Variants in DLG1 observed in about 807,000 individuals in gnomAD.
The protein encoded by DLG1 is disks large homolog 1.
A neutral mutation model predicts 123.4 loss-of-function variants in DLG1; 42 were observed. That is an observed-to-expected ratio of 0.34 (90% CI 0.27 to 0.44). The LOEUF (loss-of-function observed/expected upper bound fraction) is 0.44. Ranked by LOEUF, DLG1 falls within the 20% of genes least tolerant of loss-of-function variation. DLG1 has a pLI of 1.00. For synonymous variants in DLG1, 317 were observed against 356.2 expected (o/e 0.89, Z 1.24); for missense variants, 942 against 1,082.6 (o/e 0.87, Z 1.82).
At chr3:197,184,127 C>T (rs747287387) in intron 5 of DLG1, 10 of 1,107,366 alleles carry the variant, frequency 9.0e-6, no homozygotes, top group Non-Finnish European at 9.9e-6. Context: ...CTTTTGTTAG[C>T]TGATAACTAG....
intron 15 of DLG1, among the ~76,000 whole-genome samples, chr3:197,088,756 G>C (rs1277771433): frequency 6.6e-6 from 1 of 152,166 alleles, no homozygotes; most frequent in Admixed American, 6.5e-5. Context: ...GTGGTTACTG[G>C]AAGATACAGA....
At chr3:197,075,106 T>TA (rs749778725) in intron 18 of DLG1, among the ~76,000 whole-genome samples, 21 of 151,914 alleles carry the variant, frequency 1.4e-4, no homozygotes, top group Non-Finnish European at 2.5e-4. Flanking sequence ...TTTTATTTGC[T>TA]AAAATGGCTT....
intron 4 of DLG1, among the ~76,000 whole-genome samples, chr3:197,263,841 C>T (rs991625733): frequency 2.0e-5 from 3 of 152,064 alleles, no homozygotes; most frequent in Non-Finnish European, 2.9e-5. Flanking sequence ...CACTTTATCC[C>T]CATCATCTTG....
At chr3:197,180,150 A>G (rs937771055) in intron 5 of DLG1, among the ~76,000 whole-genome samples, 1 of 150,194 alleles carries the variant, frequency 6.7e-6, no homozygotes, top group African/African-American at 2.4e-5. Context: ...AATAGCTGCT[A>G]TACACACATT....
intron 4 of DLG1, among the ~76,000 whole-genome samples, chr3:197,229,715 T>C (rs1460058074): frequency 6.6e-6 from 1 of 152,214 alleles, no homozygotes; most frequent in South Asian, 2.1e-4. Context: ...TGGAATACAA[T>C]CTGTGACACA....
chr3:197,149,111 A>G (rs1374806455), intron 6 of DLG1, among the ~76,000 whole-genome samples: 1 of 152,186 alleles, frequency 6.6e-6, no homozygotes, highest in African/African-American at 2.4e-5. Flanking sequence ...AGTAGTTTCT[A>G]GTTTATTCAC....
intron 5 of DLG1, among the ~76,000 whole-genome samples, chr3:197,187,868 C>T (rs1047916991): frequency 2.0e-4 from 30 of 152,142 alleles, no homozygotes; most frequent in African/African-American, 7.0e-4. Context: ...ACTATTATAT[C>T]CCCTATTTCT....
chr3:197,276,239 A>G (rs1766357377), intron 4 of DLG1, among the ~76,000 whole-genome samples: 1 of 152,196 alleles, frequency 6.6e-6, no homozygotes, highest in Non-Finnish European at 1.5e-5. Flanking sequence ...CTTACCGATA[A>G]TCTTTTATAT....
intron 4 of DLG1, among the ~76,000 whole-genome samples, chr3:197,250,980 C>CA (rs34378051): frequency 0.14 from 12,408 of 86,880 alleles, 909 homozygotes; most frequent in South Asian, 0.34. Flanking sequence ...AAGACTCCAT[C>CA]AAAAAAAAAA....
chr3:197,248,759 T>A (rs1752980226), intron 4 of DLG1, among the ~76,000 whole-genome samples: 2 of 152,204 alleles, frequency 1.3e-5, no homozygotes, highest in African/African-American at 4.8e-5. Context: ...CAACTTAAAG[T>A]AAGGCAGCGT....
chr3:197,140,470 C>T (rs1347867404), intron 7 of DLG1, among the ~76,000 whole-genome samples: 1 of 152,136 alleles, frequency 6.6e-6, no homozygotes, highest in Non-Finnish European at 1.5e-5. Context: ...AGGTGAGGTT[C>T]AAGAAAATAC....
chr3:197,220,745 A>G (rs777391684), intron 4 of DLG1, among the ~76,000 whole-genome samples: 16 of 152,210 alleles, frequency 1.1e-4, no homozygotes, highest in Admixed American at 2.0e-4. Context: ...TCACTGAAGA[A>G]TACTGTTTTT....
rs770267924 is a variant in DLG1 at position 197,115,941 on chromosome 3, C to A, written c.1429G>T (p.Asp477Tyr). 2 of 1,612,340 alleles carry A rather than the reference C, an allele frequency of 1.2e-6. No individual in the cohort carries two copies. Reference sequence around the variant, plus strand: ...ACGTGTCTTACCGATATAATACGATCTCCTTTTCTGAGCTCTCCACTTAGA... The same window carrying A: ...ACGTGTCTTACCGATATAATACGATATCCTTTTCTGAGCTCTCCACTTAGA... The part of the protein sequence containing the change: ...ADLSGELRKG[D>Y]RIISVNSVDL... The change falls in exon 13 of 25, where the codon GAT becomes TAT. Residue 477 changes from aspartate to tyrosine, a missense_variant. Coordinates refer to ENST00000667157, the MANE Select transcript of DLG1 (RefSeq NM_001366207.1).
chr3:197,105,932 CT>C (rs1194558594), intron 13 of DLG1, among the ~76,000 whole-genome samples: 2 of 152,110 alleles, frequency 1.3e-5, no homozygotes, highest in Non-Finnish European at 2.9e-5. Flanking sequence ...TACACAAAAA[CT>C]TGTTTTGTTG....
intron 24 of DLG1, among the ~76,000 whole-genome samples, chr3:197,046,649 G>T (rs2342065): frequency 0.33 from 49,692 of 152,050 alleles, 9,785 homozygotes; most frequent in East Asian, 0.72. Context: ...AGGTGAAGGT[G>T]GGCGGATTGG....
intron 18 of DLG1, among the ~76,000 whole-genome samples, chr3:197,073,831 T>C (rs556556089): frequency 1.3e-5 from 2 of 152,276 alleles, no homozygotes; most frequent in African/African-American, 4.8e-5. Context: ...TTCAGTGTTA[T>C]TCCATTTCTC....
rs761550318 is a variant in DLG1, at chr3:197,140,226, C to T, written c.627G>A (p.Thr209=). 2.4e-5 allele frequency: 38 copies of T among 1,612,946 alleles called. No homozygotes were observed. The highest frequency in any genetic ancestry group is 3.0e-5 in the Non-Finnish European group (35 of 1,179,448). Residue 209 remains threonine (T), a synonymous_variant, in exon 8 of 25, where the codon ACG becomes ACA. Transcript: ENST00000667157. ...SGLGFSIAGG[T]DNPHIGDDSS... ...AGTCATCTCCAATGTGTGGGTTGTC[C>T]GTACCTCCTGCAATGCTGAAACCAA...
At chr3:197,178,506 T>C (rs1808350488) in intron 5 of DLG1, among the ~76,000 whole-genome samples, 1 of 152,242 alleles carries the variant, frequency 6.6e-6, no homozygotes, top group East Asian at 1.9e-4. Flanking sequence ...AAGTTAGATA[T>C]AAAAGTCTAA....
intron 4 of DLG1, among the ~76,000 whole-genome samples, chr3:197,280,023 A>C (rs1768430673): frequency 6.6e-6 from 1 of 152,178 alleles, no homozygotes; most frequent in African/African-American, 2.4e-5. Flanking sequence ...AACCATTCTG[A>C]AATAGACAAT....
Sources: gnomAD v4.1 joint callset for allele counts (sites outside exome capture counted in the v4.1 genomes callset) on GRCh38, gnomAD v4.1.1 for gene constraint, MANE v1.5 for transcripts, NCBI Gene and HGNC (gene_info 2026-07-23, HGNC 2026-07-21) for gene names.